The following TNFRSF19 variants were observed in gnomAD, a reference collection of about 807,000 sequenced individuals.
The protein encoded by TNFRSF19 is TNF receptor superfamily member 19.
Under a neutral mutation model 46.4 loss-of-function variants are expected in TNFRSF19, and 27 were observed. The observed-to-expected ratio is 0.58, with a 90% CI of 0.43 to 0.80. The LOEUF is 0.80. TNFRSF19 is among the 30% of genes least tolerant of loss of function. The probability of loss-of-function intolerance (pLI) is 0.00; values close to 1 mark genes in which losing one functional copy is unlikely to be tolerated. For synonymous variants in TNFRSF19, 204 were observed against 205.0 expected (o/e 1.00, Z 0.04); for missense variants, 511 against 530.8 (o/e 0.96, Z 0.37).
chr13:23,673,288 C>A (rs1009046316), intron 9 of TNFRSF19, 84 bp from the exon 10 acceptor site: 41 of 1,444,850 alleles, frequency 2.8e-5, no homozygotes, highest in Non-Finnish European at 3.6e-5. Context: ...AAAAGTTATG[C>A]ATAATAATTC....
chr13:23,654,914 T>G (rs1389901556), intron 5 of TNFRSF19, among the ~76,000 whole-genome samples: 1 of 152,234 alleles, frequency 6.6e-6, no homozygotes, highest in Non-Finnish European at 1.5e-5. Context: ...TGTCCATGTT[T>G]TAGCCACCTC....
chr13:23,618,454 C>T (rs980591564), intron 4 of TNFRSF19, among the ~76,000 whole-genome samples: 1 of 152,146 alleles, frequency 6.6e-6, no homozygotes, highest in African/African-American at 2.4e-5. Flanking sequence ...TCTTCAACCC[C>T]ACTAAGATAG....
chr13:23,581,727 A>G (rs942646106), intron 1 of TNFRSF19, among the ~76,000 whole-genome samples: 3 of 152,208 alleles, frequency 2.0e-5, no homozygotes, highest in African/African-American at 7.2e-5. Flanking sequence ...ATTCATAAAA[A>G]GAATTTGAGT....
Position 23,609,872 on chromosome 13 carries a change from G to A in TNFRSF19, c.181-5995G>A, listed in dbSNP as rs558985171. Among the ~76,000 whole-genome samples the A allele has an allele frequency of 3.9e-5, 6 of 152,290 alleles. No individual in the cohort carries two copies. In the East Asian group the frequency reaches 7.7e-4, roughly 20 times the overall value. On this transcript the variant is annotated intron_variant, in intron 3 of 9. Transcript: ENST00000248484. ...TTTATGTTTAATTATAGCTGATCTA[G>A]CCTAGGGATGGTTGTAAGATATTAA...
At chr13:23,650,627 G>T (rs767756819) in intron 5 of TNFRSF19, among the ~76,000 whole-genome samples, 3 of 152,122 alleles carry the variant, frequency 2.0e-5, no homozygotes, top group South Asian at 2.1e-4. Flanking sequence ...TGGGTATGGG[G>T]TTTCCTTTTG....
chr13:23,609,795 C>T (rs1193810687), intron 3 of TNFRSF19, among the ~76,000 whole-genome samples: 2 of 152,126 alleles, frequency 1.3e-5, no homozygotes, highest in Non-Finnish European at 2.9e-5. Flanking sequence ...AATTTGTAAG[C>T]ATAAAAAATG....
chr13:23,617,640 T>C (rs1355464118), intron 4 of TNFRSF19, among the ~76,000 whole-genome samples: 1 of 152,218 alleles, frequency 6.6e-6, no homozygotes, highest in East Asian at 1.9e-4. Context: ...GAAACCAGTC[T>C]GTATTGCAAA....
chr13:23,655,375 G>A (rs1883917325), intron 5 of TNFRSF19, among the ~76,000 whole-genome samples: 1 of 152,170 alleles, frequency 6.6e-6, no homozygotes. Flanking sequence ...CTAACATTAT[G>A]GTGGAATTTA....
At chr13:23,653,947 A>G (rs1052706554) in intron 5 of TNFRSF19, among the ~76,000 whole-genome samples, 1 of 151,832 alleles carries the variant, frequency 6.6e-6, no homozygotes, top group African/African-American at 2.4e-5. Flanking sequence ...GCAGGAGCTC[A>G]CCTGCCCTAA....
At chr13:23,615,682 T>TA (rs1881229367) in intron 3 of TNFRSF19, among the ~76,000 whole-genome samples, 185 bp from the exon 4 acceptor site, 1 of 152,248 alleles carries the variant, frequency 6.6e-6, no homozygotes, top group Non-Finnish European at 1.5e-5. Context: ...TAAGTGGACT[T>TA]ACCATAGTAA....
At chr13:23,669,831 G>A (rs1216182087) in intron 9 of TNFRSF19, 1 of 513,996 alleles carries the variant, frequency 1.9e-6, no homozygotes, top group Non-Finnish European at 2.5e-6. Context: ...CCTAATGTTT[G>A]TAAACATTTC....
intron 5 of TNFRSF19, among the ~76,000 whole-genome samples, chr13:23,639,285 C>T (rs1404477618): frequency 6.6e-6 from 1 of 152,062 alleles, no homozygotes; most frequent in African/African-American, 2.4e-5. Context: ...CCCAGCTACT[C>T]AGGAGGTTAA....
intron 1 of TNFRSF19, among the ~76,000 whole-genome samples, chr13:23,577,247 C>T (rs188715871): frequency 6.2e-4 from 94 of 152,230 alleles, no homozygotes; most frequent in Admixed American, 5.8e-3. Context: ...ACAGGCTAAC[C>T]GGGAAGATCA....
chr13:23,643,609 T>C (rs1395228529), intron 5 of TNFRSF19, among the ~76,000 whole-genome samples: 1 of 152,194 alleles, frequency 6.6e-6, no homozygotes, highest in Non-Finnish European at 1.5e-5. Flanking sequence ...CATTTTCTTC[T>C]GGTTTTCTTC....
At chr13:23,672,911 G>T (rs1337400897) in intron 9 of TNFRSF19, among the ~76,000 whole-genome samples, 1 of 152,196 alleles carries the variant, frequency 6.6e-6, no homozygotes. Context: ...TTTAATGGAA[G>T]TACATTCAAA....
At chr13:23,589,294 A>C (rs1478014021) in intron 1 of TNFRSF19, among the ~76,000 whole-genome samples, 2 of 152,208 alleles carry the variant, frequency 1.3e-5, no homozygotes, top group African/African-American at 4.8e-5. Context: ...GGTAAAGATA[A>C]AGAGGCTTGG....
chr13:23,612,271 T>C (rs1880959021), intron 3 of TNFRSF19, among the ~76,000 whole-genome samples: 1 of 152,208 alleles, frequency 6.6e-6, no homozygotes, highest in African/African-American at 2.4e-5. Flanking sequence ...TTGGTAATTA[T>C]TTATTGAACT....
intron 1 of TNFRSF19, among the ~76,000 whole-genome samples, chr13:23,577,846 A>C (rs1391798902): frequency 2.0e-5 from 3 of 152,128 alleles, no homozygotes; most frequent in Admixed American, 6.5e-5. Flanking sequence ...CATTCTTTAC[A>C]GTGAGGAACC....
chr13:23,639,146 A>G (rs1353209575), intron 5 of TNFRSF19, among the ~76,000 whole-genome samples: 27 of 152,200 alleles, frequency 1.8e-4, no homozygotes, highest in Non-Finnish European at 1.3e-4. Flanking sequence ...TAATTCCAGC[A>G]CTTTGGGAGG....
Sources: gnomAD v4.1 joint callset for allele counts (sites outside exome capture counted in the v4.1 genomes callset) on GRCh38, gnomAD v4.1.1 for gene constraint, MANE v1.5 for transcripts, NCBI Gene and HGNC (gene_info 2026-07-23, HGNC 2026-07-21) for gene names.